The following TLE2 variants were observed in gnomAD, a reference collection of about 807,000 sequenced individuals.
TLE2 encodes TLE family member 2, transcriptional corepressor.
Under a neutral mutation model 97.2 loss-of-function variants are expected in TLE2, and 74 were observed. The observed-to-expected ratio is 0.76, with a 90% CI of 0.63 to 0.92. The LOEUF is 0.92. Among genes scored for constraint, TLE2 ranks in the 40% least tolerant of loss-of-function variants. The pLI, the probability that TLE2 is intolerant of heterozygous loss-of-function variation, is 0.00. For synonymous variants in TLE2, 499 were observed against 432.1 expected (o/e 1.15, Z -1.92); for missense variants, 1,038 against 1,008.7 (o/e 1.03, Z -0.39).
chr19:3,015,058 CAAAAA>C (rs34658846), intron 9 of TLE2, among the ~76,000 whole-genome samples: 4 of 130,516 alleles, frequency 3.1e-5, no homozygotes, highest in Non-Finnish European at 4.8e-5. Context: ...AATTCATTGC[CAAAAA>C]AAAAAAAAAA....
Position 3,013,753 on chromosome 19 carries a change from A to G in TLE2, c.789T>C (p.Pro263=), listed in dbSNP as rs368378876. 8 of 1,563,334 alleles carry G rather than the reference A, an allele frequency of 5.1e-6. No homozygotes were observed. The Admixed American group carries it at 7.5e-5, about 15-fold the overall frequency. Residue 263 remains proline, a synonymous_variant, in exon 11 of 20, where the codon CCT becomes CCC. Transcript: ENST00000262953. ...GACTGTCCACCAGGTCCCGACGGGC[A>G]GGAATGCAGATGGGTACCTTTCCGC... ...TPCGKVPICI[P]ARRDLVDSPA...
chr19:3,020,007 G>C, intron 5 of TLE2: 2 of 593,000 alleles, frequency 3.4e-6, no homozygotes, highest in Non-Finnish European at 5.8e-6. Flanking sequence ...ATCAGGCCGG[G>C]CATGGTGGCT....
upstream of TLE2, among the ~76,000 whole-genome samples, chr19:3,032,051 C>G (rs912598172): frequency 6.6e-6 from 1 of 151,812 alleles, no homozygotes; most frequent in Admixed American, 6.6e-5. The surrounding 1 kb of genome is among the most constrained non-coding windows in gnomAD (Gnocchi z 4.1). Context: ...CTGCCTCGGC[C>G]TCTGGAGTAG....
chr19:3,008,333 A>G (rs1401562790), intron 14 of TLE2, among the ~76,000 whole-genome samples: 1 of 152,084 alleles, frequency 6.6e-6, no homozygotes, highest in African/African-American at 2.4e-5. Flanking sequence ...CTCCTCCCCC[A>G]GCTGTGACAA....
chr19:2,997,771 C>T lies in TLE2; in HGVS notation c.*77G>A, dbSNP rs766962687. ...ACGGTTCCTAGGCAGGGCTGGGAGG[C>T]GGCTGCTAGGATGTCTGTCCTGGCT... is the stretch of plus-strand genomic sequence containing the variant. On this transcript the variant is annotated 3_prime_UTR_variant, in exon 20 of 20. Transcript: ENST00000262953. 7.2e-5 allele frequency: 77 copies of T among 1,071,104 alleles called. No homozygotes were observed. The highest frequency in any genetic ancestry group is 9.5e-5 in the Non-Finnish European group (68 of 712,068). The allele number at this position is 1,071,104 out of a possible 1,614,324, so 66.4% of individuals were successfully genotyped here. A position where few individuals can be genotyped will look rare whatever the true frequency, so the allele number is the denominator to read the frequency against.
intron 18 of TLE2, among the ~76,000 whole-genome samples, chr19:3,001,791 C>CTTTTTTTTTTT (rs562875053): frequency 8.1e-5 from 9 of 111,466 alleles, no homozygotes; most frequent in African/African-American, 2.1e-4. Flanking sequence ...TCTTTTCTTT[C>CTTTTTTTTTTT]TTTTTTTTTT....
intron 18 of TLE2, among the ~76,000 whole-genome samples, chr19:3,001,165 T>C (rs2089349110): frequency 6.6e-6 from 1 of 151,568 alleles, no homozygotes; most frequent in Non-Finnish European, 1.5e-5. Context: ...TCCAGCTACT[T>C]GGGAGGCTGA....
Position 3,009,555 on chromosome 19 carries a change from C to A in TLE2, c.1160G>T (p.Gly387Val). The A allele has an allele frequency of 6.2e-7, 1 of 1,610,382 alleles. No homozygotes were observed. The highest frequency in any genetic ancestry group is 8.5e-7 in the Non-Finnish European group (1 of 1,178,430). ...CCAAGGACTCACCACGGGGGAGCGT[C>A]CGTACACCACAGAGCTGCTGACCTG... The part of the protein sequence containing the change: ...SPQVSSSVVY[G>V]RSPVMAFESH... The change falls in exon 13 of 20, where the codon GGA (glycine) becomes GTA (valine). Residue 387 changes from glycine to valine, a missense_variant. Coordinates refer to ENST00000262953, the MANE Select transcript of TLE2 (RefSeq NM_003260.5).
At chr19:2,998,235 CAATG>C (rs2089261805) in intron 19 of TLE2, among the ~76,000 whole-genome samples, 1 of 106,194 alleles carries the variant, frequency 9.4e-6, no homozygotes. Context: ...CACGCCCGGC[CAATG>C]TGTGTGTGTG....
At chr19:3,015,791 G>A in intron 8 of TLE2, 31 bp from the exon 9 acceptor site, 2 of 1,521,540 alleles carry the variant, frequency 1.3e-6, no homozygotes, top group Non-Finnish European at 1.8e-6. Context: ...GGGGGAGAAA[G>A]GGTCAGGGCC....
chr19:3,006,318 C>G lies in TLE2; in HGVS notation c.1500+102G>C, dbSNP rs1207114694. ...CCTCACCTATAAGCCCCGCCCTTCACCTGTAGCCCCACCCACGGCCAGCCT... is the reference window on the plus strand; with the variant it reads ...CCTCACCTATAAGCCCCGCCCTTCAGCTGTAGCCCCACCCACGGCCAGCCT... On this transcript the variant is annotated intron_variant, in intron 15 of 19. Coordinates refer to ENST00000262953, the MANE Select transcript of TLE2 (RefSeq NM_003260.5). 3.3e-6 allele frequency: 5 copies of G among 1,498,026 alleles called. No individual in the cohort carries two copies. In the African/African-American group the frequency reaches 6.9e-5, roughly 21 times the overall value. The allele number at this position is 1,498,026 out of a possible 1,614,324, so 92.8% of individuals were successfully genotyped here.
At chr19:3,028,433 G>C in intron 2 of TLE2, 51 bp from the exon 3 acceptor site, 1 of 1,533,616 alleles carries the variant, frequency 6.5e-7, no homozygotes, top group Non-Finnish European at 8.8e-7. Flanking sequence ...ATGTGGGCCG[G>C]CTTCCAAAGT....
intron 4 of TLE2, 28 bp from the exon 5 acceptor site, chr19:3,025,110 G>A: frequency 6.3e-7 from 1 of 1,588,462 alleles, no homozygotes; most frequent in African/African-American, 1.3e-5. Flanking sequence ...GAGGAAGCTT[G>A]GAGCGGGGTA....
At chr19:3,000,322 G>C (rs2089327853) in intron 19 of TLE2, among the ~76,000 whole-genome samples, 1 of 151,890 alleles carries the variant, frequency 6.6e-6, no homozygotes, top group South Asian at 2.1e-4. Context: ...TGATCCGCCT[G>C]CCTCAGCCTC....
intron 1 of TLE2, among the ~76,000 whole-genome samples, chr19:3,036,921 G>A (rs1167216381): frequency 6.6e-6 from 1 of 152,180 alleles, no homozygotes; most frequent in Non-Finnish European, 1.5e-5. Context: ...AGTGGGGGCA[G>A]GCTCAGCCAG....
At chr19:3,016,998 G>T (rs1038478527) in intron 8 of TLE2, among the ~76,000 whole-genome samples, 1 of 127,878 alleles carries the variant, frequency 7.8e-6, no homozygotes, top group South Asian at 2.2e-4. Context: ...AGCTGGTCTC[G>T]AACTCCTGAC....
intron 8 of TLE2, among the ~76,000 whole-genome samples, chr19:3,016,136 A>C (rs2089698224): frequency 6.6e-6 from 1 of 151,606 alleles, no homozygotes; most frequent in Non-Finnish European, 1.5e-5. Flanking sequence ...GGGTTTCGCC[A>C]TGTTGGCCAG....
chr19:3,012,415 C>T (rs2089616280), intron 11 of TLE2, among the ~76,000 whole-genome samples: 1 of 152,188 alleles, frequency 6.6e-6, no homozygotes, highest in Admixed American at 6.5e-5. Flanking sequence ...CAAGGTCTCA[C>T]TATGTTGCCC....
In TLE2 at chr19:3,019,394, C is replaced by T; in HGVS notation, c.439G>A (p.Gly147Ser). 1 of 1,543,516 alleles carries T rather than the reference C, an allele frequency of 6.5e-7. No homozygotes were observed. The highest frequency in any genetic ancestry group is 8.7e-7 in the Non-Finnish European group (1 of 1,150,642). Residue 147 changes from glycine (G) to serine (S), a missense_variant, in exon 7 of 20, where the codon GGC (glycine) becomes AGC (serine). Coordinates refer to ENST00000262953, the MANE Select transcript of TLE2 (RefSeq NM_003260.5). This position sits in a 1 kb window ranked among gnomAD's most constrained non-coding sequence, Gnocchi z 5.1. ...GCAAGCAGCCCCGTAGCACTGCCGC[C>T]CACCAGCCCGGCTGGGCGGGGGGTG... ...PLTPRPAGLV[G>S]GSATGLLALS...
Sources: gnomAD v4.1 joint callset for allele counts (sites outside exome capture counted in the v4.1 genomes callset) on GRCh38, gnomAD v4.1.1 for gene constraint, Gnocchi (gnomAD v3.1) non-coding constraint, MANE v1.5 for transcripts, NCBI Gene and HGNC (gene_info 2026-07-23, HGNC 2026-07-21) for gene names.